The following ZNF318 variants were observed in gnomAD, a reference collection of about 807,000 sequenced individuals.
ZNF318 encodes zinc finger protein 318.
Under a neutral mutation model 124.2 loss-of-function variants are expected in ZNF318, and 51 were observed. The ratio of observed to expected loss-of-function variants is 0.41; its 90% CI spans 0.33 to 0.52. The LOEUF is 0.52. Among genes scored for constraint, ZNF318 ranks in the 20% least tolerant of loss-of-function variants. ZNF318 has a pLI of 0.23. For synonymous variants in ZNF318, 1,090 were observed against 1,040.7 expected (o/e 1.05, Z -0.91); for missense variants, 2,815 against 2,811.2 (o/e 1.00, Z -0.03).
chr6:43,342,621 G>C, intron 7 of ZNF318, 55 bp downstream of exon 7: 1 of 1,564,824 alleles, frequency 6.4e-7, no homozygotes, highest in Non-Finnish European at 8.8e-7. Context: ...TAGGGGTATA[G>C]AAGTTTGAAG....
At chr6:43,347,696 A>G (rs1254938931) in intron 6 of ZNF318, among the ~76,000 whole-genome samples, 2 of 152,226 alleles carry the variant, frequency 1.3e-5, no homozygotes, top group Non-Finnish European at 2.9e-5. Flanking sequence ...TCATTTGACT[A>G]GAACATAAAA....
chr6:43,346,027 A>G (rs1278994400), intron 6 of ZNF318, among the ~76,000 whole-genome samples: 1 of 151,738 alleles, frequency 6.6e-6, no homozygotes, highest in Non-Finnish European at 1.5e-5. Flanking sequence ...ACATGGTGAA[A>G]CCGTCTCTAC....
rs745576017 is a variant in ZNF318, at chr6:43,338,559, A to G, written c.5439T>C (p.His1813=). The change falls in exon 10 of 10, where the codon CAT becomes CAC. Residue 1813 remains histidine (H), a synonymous_variant. Coordinates refer to ENST00000361428, the MANE Select transcript of ZNF318 (RefSeq NM_014345.3). ...PHSIDDSNLN[H]GNRYMWEGEV... ...CTCCCTCCCACATGTATCTGTTTCC[A>G]TGGTTCAAATTAGAATCATCTATGC... The G allele has an allele frequency of 1.9e-6, 3 of 1,614,114 alleles. No homozygotes were observed. The highest frequency in any genetic ancestry group is 2.5e-6 in the Non-Finnish European group (3 of 1,180,022).
rs749290362 is a variant in ZNF318, at chr6:43,339,373, A to G, written c.4625T>C (p.Leu1542Pro). ...FSVLVRPPPP[L>P]SSVFSEQAKK... ...GGCTTGTTCACTGAACACACTTGAG[A>G]GGGGTGGTGGAGGACGTACTAACAC... Residue 1542 changes from leucine (L) to proline (P), a missense_variant, in exon 10 of 10, where the codon CTC (leucine) becomes CCC (proline). Transcript: ENST00000361428. This position sits in a 1 kb window ranked among gnomAD's most constrained non-coding sequence, Gnocchi z 4.2. The G allele has an allele frequency of 6.8e-6, 11 of 1,614,022 alleles. No homozygotes were observed. Among genetic ancestry groups the G allele is most frequent in the African/African-American group, 1.3e-5 (1 of 74,990 alleles).
In ZNF318 at chr6:43,340,072, T is replaced by C; in HGVS notation, c.3926A>G (p.Asp1309Gly). 2 of 1,614,208 alleles carry C rather than the reference T, an allele frequency of 1.2e-6. No homozygotes were observed. Among genetic ancestry groups the C allele is most frequent in the Non-Finnish European group, 1.7e-6 (2 of 1,180,036 alleles). The change falls in exon 10 of 10, where the codon GAT (aspartate) becomes GGT (glycine). Residue 1309 changes from aspartate (D) to glycine (G), a missense_variant. Asp to Gly is a moderately conservative substitution (Grantham distance 94). Coordinates refer to ENST00000361428, the MANE Select transcript of ZNF318 (RefSeq NM_014345.3). ...TGCCTTCCCAGCTTCAGTTTTGCCA[T>C]CCTCTTTGTCCTTACTACTTTCTAG... ...EILESSKDKE[D>G]GKTEAGKAKP... is the part of the protein sequence containing the mutation.
chr6:43,357,312 G>A lies in ZNF318; in HGVS notation c.1002C>T (p.Ser334=). 6.2e-7 allele frequency: 1 copy of A among 1,614,188 alleles called. No individual in the cohort carries two copies. The highest frequency in any genetic ancestry group is 8.5e-7 in the Non-Finnish European group (1 of 1,180,008). The change falls in exon 3 of 10, where the codon AGC becomes AGT. Residue 334 remains serine, a synonymous_variant. Coordinates refer to ENST00000361428, the MANE Select transcript of ZNF318 (RefSeq NM_014345.3). ...KREEEEERSR[S]LSQELVGVDG... Reference sequence around the variant, plus strand: ...CAACTCCAACCAGCTCCTGACTCAAGCTCCTACTTCGCTCCTCCTCTTCCT... The same window carrying A: ...CAACTCCAACCAGCTCCTGACTCAAACTCCTACTTCGCTCCTCCTCTTCCT...
chr6:43,369,458 A>G lies in ZNF318; in HGVS notation c.-93T>C, dbSNP rs996100895. On this transcript the variant is annotated 5_prime_UTR_variant, in exon 1 of 10. Coordinates refer to ENST00000361428, the MANE Select transcript of ZNF318 (RefSeq NM_014345.3). ...CGCCGCCGCAGCTGCAGCCGCCGCC[A>G]CCTCGGCCGCTGCGCGCCGCCTCAG... 1.3e-4 allele frequency: 131 copies of G among 1,022,740 alleles called. No homozygotes were observed. The highest frequency in any genetic ancestry group is 6.6e-4 in the South Asian group (14 of 21,230). The allele number at this position is 1,022,740 out of a possible 1,614,324, so 63.4% of individuals were successfully genotyped here. A position where few individuals can be genotyped will look rare whatever the true frequency, so the allele number is the denominator to read the frequency against.
intron 2 of ZNF318, among the ~76,000 whole-genome samples, chr6:43,362,377 T>C (rs980188598): frequency 2.0e-5 from 3 of 151,178 alleles, no homozygotes; most frequent in African/African-American, 7.3e-5. Flanking sequence ...TGCTAGAACC[T>C]GGGAGGCGGA....
Position 43,348,361 on chromosome 6 carries a change from T to C in ZNF318, c.3035A>G (p.Glu1012Gly), listed in dbSNP as rs766087848. ...GGAGTTTGAGAACGATGACACTTTT[T>C]CTGGGCTCTTAGATTTTTCTGCTTT... is the stretch of plus-strand genomic sequence containing the variant. ...PGKAEKSKSPEKVSSFSNSSS... is the reference protein window; with the variant it reads ...PGKAEKSKSPGKVSSFSNSSS... Residue 1012 changes from glutamate (E) to glycine (G), a missense_variant, in exon 6 of 10, where the codon GAA (glutamate) becomes GGA (glycine). Transcript: ENST00000361428. The C allele has an allele frequency of 1.6e-5, 25 of 1,612,040 alleles. No homozygotes were observed. Among genetic ancestry groups the C allele is most frequent in the Non-Finnish European group, 2.0e-5 (24 of 1,179,474 alleles).
At chr6:43,363,601 C>T (rs910121114) in intron 2 of ZNF318, 6 of 383,080 alleles carry the variant, frequency 1.6e-5, no homozygotes, top group African/African-American at 4.3e-5. Context: ...GGAGTGGATG[C>T]CTGTCACCAA....
intron 4 of ZNF318, among the ~76,000 whole-genome samples, chr6:43,353,777 T>C (rs1296850592): frequency 2.0e-5 from 3 of 152,230 alleles, no homozygotes; most frequent in African/African-American, 7.2e-5. Flanking sequence ...TAATAGTATG[T>C]ATTAACTCTT....
chr6:43,344,860 A>G (rs1040083929), intron 6 of ZNF318, among the ~76,000 whole-genome samples: 2 of 151,418 alleles, frequency 1.3e-5, no homozygotes, highest in African/African-American at 2.4e-5. Flanking sequence ...TAATAAATTA[A>G]TGTATTTGGA....
Position 43,337,108 on chromosome 6 carries a change from G to C in ZNF318, c.*50C>G. On this transcript the variant is annotated 3_prime_UTR_variant, in exon 10 of 10. Coordinates refer to ENST00000361428, the MANE Select transcript of ZNF318 (RefSeq NM_014345.3). ...CTAGTCTTGGATCATCTGGGCATCT[G>C]ATTTCTAGAAGCCAATGATTCACTC... The C allele has an allele frequency of 6.8e-7, 1 of 1,479,772 alleles. No individual in the cohort carries two copies. Among genetic ancestry groups the C allele is most frequent in the Non-Finnish European group, 9.0e-7 (1 of 1,107,646 alleles). 91.7% of individuals were successfully genotyped at this position (1,479,772 alleles called of 1,614,324 possible).
At chr6:43,354,642 G>A in intron 4 of ZNF318, 22 bp downstream of exon 4, 4 of 1,565,276 alleles carry the variant, frequency 2.6e-6, no homozygotes, top group Non-Finnish European at 3.5e-6. Flanking sequence ...TCAGGCACAG[G>A]ATACCCAAAG....
rs193121293 is a variant in ZNF318 at position 43,363,620 on chromosome 6, G to C, written c.548+1672C>G. 8.3e-4 allele frequency: 360 copies of C among 432,760 alleles called. 1 individual carries two copies. The highest frequency in any genetic ancestry group is 6.4e-4 in the Middle Eastern group (1 of 1,554). 26.8% of individuals were successfully genotyped at this position (432,760 alleles called of 1,614,324 possible). A position where few individuals can be genotyped will look rare whatever the true frequency, so the allele number is the denominator to read the frequency against. On this transcript the variant is annotated intron_variant, in intron 2 of 9. Coordinates refer to ENST00000361428, the MANE Select transcript of ZNF318 (RefSeq NM_014345.3). Reference sequence around the variant, plus strand: ...TGGATGCCTGTCACCAAGCTGGGCTGCTTGGTTAAGGACATAAAGATCAAG... The same window carrying C: ...TGGATGCCTGTCACCAAGCTGGGCTCCTTGGTTAAGGACATAAAGATCAAG...
At chr6:43,365,761 G>A (rs1421277175) in intron 1 of ZNF318, among the ~76,000 whole-genome samples, 1 of 152,202 alleles carries the variant, frequency 6.6e-6, no homozygotes, top group African/African-American at 2.4e-5. Flanking sequence ...TTCAGCCTGG[G>A]CAATGAGCAG....
In ZNF318 at chr6:43,340,153, T is replaced by G; in HGVS notation, c.3845A>C (p.Glu1282Ala). 1 of 1,614,164 alleles carries G rather than the reference T, an allele frequency of 6.2e-7. No homozygotes were observed. Among genetic ancestry groups the G allele is most frequent in the East Asian group, 2.2e-5 (1 of 44,890 alleles). ...SFGKFSWKKP[E>A]KEEEKSSLVT... The stretch of plus-strand genomic sequence containing the variant: ...CAATGAACTTTTCTCCTCTTCTTTT[T>G]CTGGCTTCTTCCAGCTGAATTTCCC... Residue 1282 changes from glutamate (E) to alanine (A), a missense_variant, in exon 10 of 10, where the codon GAA (glutamate) becomes GCA (alanine). By Grantham distance (107) the Glu-to-Ala change is moderately radical. This residue lies in a region of ZNF318 where 500 missense variants were observed against 605.2 expected (regional missense o/e 0.83). Transcript: ENST00000361428.
chr6:43,348,128 G>A (rs1269032299), intron 6 of ZNF318, among the ~76,000 whole-genome samples, 196 bp downstream of exon 6: 1 of 152,150 alleles, frequency 6.6e-6, no homozygotes, highest in East Asian at 1.9e-4. Context: ...GAATACTGAG[G>A]ATTTAGGATT....
rs767323946 is a variant in ZNF318, at chr6:43,337,254, C to T, written c.6744G>A (p.Gln2248=). ...APVSRSPPRE[Q]VIEDNMVPQG... is the part of the protein sequence containing the mutation. ...GAGGGACCATATTGTCTTCAATTAC[C>T]TGCTCCCTTGGAGGGGACCTTGACA... Residue 2248 remains glutamine (Q), a synonymous_variant, in exon 10 of 10, where the codon CAG becomes CAA. Transcript: ENST00000361428. The T allele has an allele frequency of 3.1e-6, 5 of 1,614,172 alleles. No individual in the cohort carries two copies. The Admixed American group carries it at 8.3e-5, about 27-fold the overall frequency.
Sources: gnomAD v4.1 joint callset for allele counts (sites outside exome capture counted in the v4.1 genomes callset) on GRCh38, gnomAD v4.1.1 for gene constraint, gnomAD v4.1.1 regional missense constraint, Gnocchi (gnomAD v3.1) non-coding constraint, MANE v1.5 for transcripts, NCBI Gene and HGNC (gene_info 2026-07-23, HGNC 2026-07-21) for gene names.